The following GABBR1 variants were observed in gnomAD, a reference collection of about 807,000 sequenced individuals.
GABBR1 encodes gamma-aminobutyric acid type B receptor subunit 1, also known as GABA-B receptor, R1 subunit.
In GABBR1, 35 loss-of-function variants were observed where a neutral mutation model predicts 117.7. The observed-to-expected ratio is 0.30, with a 90% CI of 0.23 to 0.39. The LOEUF (loss-of-function observed/expected upper bound fraction) is 0.39, where lower values mean the gene tolerates loss of function less well. GABBR1 is among the 10% of genes least tolerant of loss of function. The pLI, the probability that GABBR1 is intolerant of heterozygous loss-of-function variation, is 1.00. For missense variants in GABBR1, 709 were observed against 1,241.8 expected, an observed-to-expected ratio of 0.57 and a Z score of 6.45; for synonymous variants, 442 against 486.6, an observed-to-expected ratio of 0.91 and a Z score of 1.21.
intron 11 of GABBR1, among the ~76,000 whole-genome samples, chr6:29,619,333 T>A (rs1237624960): frequency 6.6e-6 from 1 of 152,230 alleles, no homozygotes; most frequent in Non-Finnish European, 1.5e-5. Context: ...TTGTTAAGAC[T>A]GCTCTATCCT....
rs192388103 is a variant in GABBR1, at chr6:29,613,814, A to G, written c.1324-329T>C. ...GGTAGAGCAGAGTAAAGGAGGAGAC[A>G]TGGATATTCCAATGAAGAGCTGTGA... On this transcript the variant is annotated intron_variant, in intron 11 of 22. Transcript: ENST00000377034. This position sits in a 1 kb window ranked among gnomAD's most constrained non-coding sequence, Gnocchi z 4.1. Among the ~76,000 whole-genome samples the G allele has an allele frequency of 2.0e-4, 31 of 152,080 alleles. No homozygotes were observed. The highest frequency in any genetic ancestry group is 4.1e-4 in the Non-Finnish European group (28 of 68,036).
In GABBR1 at chr6:29,603,488, C is replaced by CCCTTCCCCTCTCCCTTT; in HGVS notation, c.*38_*54dup. Reference sequence around the variant, plus strand: ...GACCCCCTGCTTCCTGAGTCCCCTGCCCTTCCCCTCTCCCTTTCCCTCCCC... The same window carrying CCCTTCCCCTCTCCCTTT: ...GACCCCCTGCTTCCTGAGTCCCCTGCCCTTCCCCTCTCCCTTTCCTTCCCCTCTCCCTTTCCCTCCCC... On this transcript the variant is annotated 3_prime_UTR_variant, in exon 23 of 23. Coordinates refer to ENST00000377034, the MANE Select transcript of GABBR1 (RefSeq NM_001470.4). The CCCTTCCCCTCTCCCTTT allele has an allele frequency of 1.4e-6, 2 of 1,470,724 alleles. No individual in the cohort carries two copies. The highest frequency in any genetic ancestry group is 9.3e-7 in the Non-Finnish European group (1 of 1,077,104). 91.1% of individuals were successfully genotyped at this position (1,470,724 alleles called of 1,614,324 possible). A position where few individuals can be genotyped will look rare whatever the true frequency, so the allele number is the denominator to read the frequency against.
intron 14 of GABBR1, among the ~76,000 whole-genome samples, chr6:29,610,004 T>A (rs1007518973): frequency 6.6e-6 from 1 of 150,908 alleles, no homozygotes; most frequent in Non-Finnish European, 1.5e-5. Flanking sequence ...GTTTTTTTTT[T>A]AAAGAATAAT....
At position 29,606,783 on chromosome 6, in the gene GABBR1, GA is replaced by G; in HGVS notation, c.2217+113del. The G allele has an allele frequency of 1.2e-6, 1 of 826,000 alleles. No homozygotes were observed. 51.2% of individuals were successfully genotyped at this position (826,000 alleles called of 1,614,324 possible). A position where few individuals can be genotyped will look rare whatever the true frequency, so the allele number is the denominator to read the frequency against. ...GGAAAGGAAGAGCTTCCAATACGAG[GA>G]AGGCACTCTCTCCAAGTAGCTTCAT... is the stretch of plus-strand genomic sequence containing the variant. On this transcript the variant is annotated intron_variant, in intron 18 of 22. Coordinates refer to ENST00000377034, the MANE Select transcript of GABBR1 (RefSeq NM_001470.4). This position sits in a 1 kb window ranked among gnomAD's most constrained non-coding sequence, Gnocchi z 4.5.
Position 29,607,257 on chromosome 6 carries a change from G to C in GABBR1, c.1993-39C>G, listed in dbSNP as rs1343042190. On this transcript the variant is annotated intron_variant, in intron 16 of 22. Coordinates refer to ENST00000377034, the MANE Select transcript of GABBR1 (RefSeq NM_001470.4). The surrounding 1 kb of genome is among the most constrained non-coding windows in gnomAD (Gnocchi z 5.0). ...GAGGGCACAGGCAGAACAGGGTAGA[G>C]TAGTAGCCGGGACTGCAGTAAGGAT... 1 of 1,527,678 alleles carries C rather than the reference G, an allele frequency of 6.5e-7. No homozygotes were observed. The highest frequency in any genetic ancestry group is 1.7e-5 in the Admixed American group (1 of 59,918). 94.6% of individuals were successfully genotyped at this position (1,527,678 alleles called of 1,614,324 possible). A position where few individuals can be genotyped will look rare whatever the true frequency, so the allele number is the denominator to read the frequency against.
In GABBR1 at chr6:29,632,605, C is replaced by A. The variant is rs1304634348; in HGVS notation, c.1-220G>T. ...CCCACCCTCCTCCTGCCTCCCTCGGCCCCCAACCCTCCCGGGACTCCACCT... is the reference window on the plus strand; with the variant it reads ...CCCACCCTCCTCCTGCCTCCCTCGGACCCCAACCCTCCCGGGACTCCACCT... On this transcript the variant is annotated intron_variant, in intron 1 of 22. Coordinates refer to ENST00000377034, the MANE Select transcript of GABBR1 (RefSeq NM_001470.4). The surrounding 1 kb of genome is among the most constrained non-coding windows in gnomAD (Gnocchi z 5.8). 8.2e-7 allele frequency: 1 copy of A among 1,214,686 alleles called. No individual in the cohort carries two copies. Among genetic ancestry groups the A allele is most frequent in the Non-Finnish European group, 1.1e-6 (1 of 895,828 alleles). 75.2% of individuals were successfully genotyped at this position (1,214,686 alleles called of 1,614,324 possible). A position where few individuals can be genotyped will look rare whatever the true frequency, so the allele number is the denominator to read the frequency against.
intron 13 of GABBR1, among the ~76,000 whole-genome samples, chr6:29,612,059 T>G (rs1191349583): frequency 2.6e-5 from 4 of 152,168 alleles, no homozygotes; most frequent in Non-Finnish European, 5.9e-5. Context: ...TGGAGTGCAG[T>G]GGCGTGATCT....
chr6:29,632,775 C>A lies in GABBR1; in HGVS notation c.-1+75G>T, dbSNP rs62392941. 7 of 937,996 alleles carry A rather than the reference C, an allele frequency of 7.5e-6. No individual in the cohort carries two copies. Among genetic ancestry groups the A allele is most frequent in the Admixed American group, 3.9e-5 (1 of 25,722 alleles). 58.1% of individuals were successfully genotyped at this position (937,996 alleles called of 1,614,324 possible). A position where few individuals can be genotyped will look rare whatever the true frequency, so the allele number is the denominator to read the frequency against. On this transcript the variant is annotated intron_variant, in intron 1 of 22. Transcript: ENST00000377034. This position sits in a 1 kb window ranked among gnomAD's most constrained non-coding sequence, Gnocchi z 5.8. ...CCCCGCTTCCCCCAGCTGGGCCCTG[C>A]GCCCACTGCCCCCTCCCCCACCACG... is the stretch of plus-strand genomic sequence containing the variant.
chr6:29,607,315 C>G lies in GABBR1; in HGVS notation c.1993-97G>C, dbSNP rs1446878893. 2.1e-6 allele frequency: 2 copies of G among 959,520 alleles called. No individual in the cohort carries two copies. The highest frequency in any genetic ancestry group is 4.8e-5 in the East Asian group (2 of 41,402). 59.4% of individuals were successfully genotyped at this position (959,520 alleles called of 1,614,324 possible). A position where few individuals can be genotyped will look rare whatever the true frequency, so the allele number is the denominator to read the frequency against. On this transcript the variant is annotated intron_variant, in intron 16 of 22. Transcript: ENST00000377034. This position sits in a 1 kb window ranked among gnomAD's most constrained non-coding sequence, Gnocchi z 5.0. ...ACCCTAAGGGAGAGTGGGCAGGGAG[C>G]ACGGGCAGGGAGCTCATGGTGGCAC...
Position 29,607,140 on chromosome 6 carries a change from C to T in GABBR1, c.2071G>A (p.Val691Ile). The change falls in exon 17 of 23, where the codon GTC becomes ATC. Residue 691 changes from valine (V) to isoleucine (I), a missense_variant. Transcript: ENST00000377034. This position sits in a 1 kb window ranked among gnomAD's most constrained non-coding sequence, Gnocchi z 5.0. ...TTCTTTTCTTCCTTCTTTGTGAAGACCGTGTGGACCCACCAAATCTTGGTG... is the reference window on the plus strand; with the variant it reads ...TTCTTTTCTTCCTTCTTTGTGAAGATCGTGTGGACCCACCAAATCTTGGTG... ...MFTKIWWVHT[V>I]FTKKEEKKEW... The T allele has an allele frequency of 6.2e-7, 1 of 1,614,138 alleles. No homozygotes were observed. Among genetic ancestry groups the T allele is most frequent in the Non-Finnish European group, 8.5e-7 (1 of 1,180,030 alleles).
At position 29,621,417 on chromosome 6, in the gene GABBR1, A is replaced by G; in HGVS notation, c.1132-125T>C. On this transcript the variant is annotated intron_variant, in intron 10 of 22. Coordinates refer to ENST00000377034, the MANE Select transcript of GABBR1 (RefSeq NM_001470.4). This position sits in a 1 kb window ranked among gnomAD's most constrained non-coding sequence, Gnocchi z 5.0. The stretch of plus-strand genomic sequence containing the variant: ...GCAGTAGAACTAAAAAGAGAAATCT[A>G]CAAGTCTTGGGGATAGTAGGAAAGG... 1 of 775,756 alleles carries G rather than the reference A, an allele frequency of 1.3e-6. No homozygotes were observed. Among genetic ancestry groups the G allele is most frequent in the Non-Finnish European group, 2.1e-6 (1 of 487,004 alleles). The allele number at this position is 775,756 out of a possible 1,614,324, so 48.1% of individuals were successfully genotyped here.
At position 29,622,215 on chromosome 6, in the gene GABBR1, G is replaced by C. The variant is rs957783076; in HGVS notation, c.964-10C>G. The C allele has an allele frequency of 2.5e-6, 4 of 1,603,072 alleles. No homozygotes were observed. The African/African-American group carries it at 5.4e-5, about 21-fold the overall frequency. ...CCAGGTCGTCCAGAGTCTTGGGTGGGAATAAAAAACAAGTTGGAAAAACAC... is the reference window on the plus strand; with the variant it reads ...CCAGGTCGTCCAGAGTCTTGGGTGGCAATAAAAAACAAGTTGGAAAAACAC... On this transcript the variant is annotated splice_polypyrimidine_tract_variant and intron_variant, in intron 8 of 22. Coordinates refer to ENST00000377034, the MANE Select transcript of GABBR1 (RefSeq NM_001470.4). The surrounding 1 kb of genome is among the most constrained non-coding windows in gnomAD (Gnocchi z 4.6).
In GABBR1 at chr6:29,617,316, T is replaced by TC. The variant is rs1216045977; in HGVS notation, c.1323+3784_1323+3785insG. Among the ~76,000 whole-genome samples the TC allele has an allele frequency of 5.3e-3, 777 of 145,816 alleles. 8 individuals carry two copies. The highest frequency in any genetic ancestry group is 0.018 in the African/African-American group (719 of 40,208). On this transcript the variant is annotated intron_variant, in intron 11 of 22. Transcript: ENST00000377034. ...TTCTTTCTTTCTTTTTTTTTTTTTT[T>TC]TTTTGAGATGGAGTCTTGCTCTGTT...
At position 29,632,453 on chromosome 6, in the gene GABBR1, C is replaced by A. The variant is rs148426122; in HGVS notation, c.1-68G>T. 5.0e-3 allele frequency: 6,193 copies of A among 1,230,598 alleles called. 51 individuals are homozygous for A. Among genetic ancestry groups the A allele is most frequent in the Middle Eastern group, 0.027 (96 of 3,532 alleles). 76.2% of individuals were successfully genotyped at this position (1,230,598 alleles called of 1,614,324 possible). ...GCGCGGCCCGCACCCGGAGACTACT[C>A]GACCTCTTGCCGGTTGCCTCGCAGG... On this transcript the variant is annotated intron_variant, in intron 1 of 22. Transcript: ENST00000377034. This position sits in a 1 kb window ranked among gnomAD's most constrained non-coding sequence, Gnocchi z 5.8.
In GABBR1 at chr6:29,605,238, G is replaced by A. The variant is rs370991129; in HGVS notation, c.2440-250C>T. ...CCCAGGATCTCTATGCACAGATTCC[G>A]GGTCCTCCAGAGTCGGTCCCTGGCA... is the stretch of plus-strand genomic sequence containing the variant. On this transcript the variant is annotated intron_variant, in intron 20 of 22. Transcript: ENST00000377034. This position sits in a 1 kb window ranked among gnomAD's most constrained non-coding sequence, Gnocchi z 4.2. 4.4e-5 allele frequency: 25 copies of A among 561,954 alleles called. No individual in the cohort carries two copies. Among genetic ancestry groups the A allele is most frequent in the East Asian group, 2.9e-4 (10 of 33,904 alleles). 34.8% of individuals were successfully genotyped at this position (561,954 alleles called of 1,614,324 possible). A position where few individuals can be genotyped will look rare whatever the true frequency, so the allele number is the denominator to read the frequency against.
intron 4 of GABBR1, among the ~76,000 whole-genome samples, chr6:29,629,547 G>A (rs1239272066): frequency 6.6e-6 from 1 of 152,132 alleles, no homozygotes; most frequent in Non-Finnish European, 1.5e-5. Flanking sequence ...CAGGAAGAGG[G>A]CCCTGTAGGT....
In GABBR1 at chr6:29,632,255, G is replaced by GACCAGATGCAGGACCA; in HGVS notation, c.85+45_85+46insTGGTCCTGCATCTGGT. 8.9e-7 allele frequency: 1 copy of GACCAGATGCAGGACCA among 1,117,814 alleles called. No individual in the cohort carries two copies. Among genetic ancestry groups the GACCAGATGCAGGACCA allele is most frequent in the Admixed American group, 3.5e-5 (1 of 28,310 alleles). 69.2% of individuals were successfully genotyped at this position (1,117,814 alleles called of 1,614,324 possible). A position where few individuals can be genotyped will look rare whatever the true frequency, so the allele number is the denominator to read the frequency against. On this transcript the variant is annotated intron_variant, in intron 2 of 22. Coordinates refer to ENST00000377034, the MANE Select transcript of GABBR1 (RefSeq NM_001470.4). The surrounding 1 kb of genome is among the most constrained non-coding windows in gnomAD (Gnocchi z 5.8). ...CAGAAATGAGGAGATGCAGGGAAAGGGAAGTGGAGCGAAGGAGGGCCGGAG... is the reference window on the plus strand; with the variant it reads ...CAGAAATGAGGAGATGCAGGGAAAGGACCAGATGCAGGACCAGAAGTGGAGCGAAGGAGGGCCGGAG...
rs373993426 is a variant in GABBR1, at chr6:29,617,301, CTT to C, written c.1323+3798_1323+3799del. ...CCATATTTCTTTTCTTTCTTTCTTT[CTT>C]TTTTTTTTTTTTTTTTTGAGATGGA... On this transcript the variant is annotated intron_variant, in intron 11 of 22. Transcript: ENST00000377034. 8.1e-3 allele frequency among the ~76,000 whole-genome samples: 974 copies of C among 119,830 alleles called. 7 individuals carry two copies. The highest frequency in any genetic ancestry group is 0.029 in the Middle Eastern group (6 of 210). The allele number at this position is 119,830 out of a possible 152,430, so 78.6% of individuals were successfully genotyped here.
Position 29,631,401 on chromosome 6 carries a change from C to T in GABBR1, c.284G>A (p.Arg95His). 1.2e-6 allele frequency: 2 copies of T among 1,613,926 alleles called. No individual in the cohort carries two copies. The highest frequency in any genetic ancestry group is 1.7e-6 in the Non-Finnish European group (2 of 1,179,984). ...GSWTDMDTPSRCVRICSKSYL... is the reference protein window; with the variant it reads ...GSWTDMDTPSHCVRICSKSYL... ...GGGCTTCCGAGGCTACTCACCACAG[C>T]GGCTGGGTGTGTCCATATCTGTCCA... The change falls in exon 3 of 23, where the codon CGC becomes CAC. Residue 95 changes from arginine to histidine, a missense_variant. Physicochemically the swap from Arg to His is conservative, Grantham distance 29. Around this residue, in one of 9 missense-constraint regions of GABBR1, gnomAD observed 101 missense variants for 132.3 expected, o/e 0.76. Coordinates refer to ENST00000377034, the MANE Select transcript of GABBR1 (RefSeq NM_001470.4). This position sits in a 1 kb window ranked among gnomAD's most constrained non-coding sequence, Gnocchi z 5.9.
Sources: allele counts gnomAD v4.1 joint callset (sites outside exome capture counted in the v4.1 genomes callset), GRCh38; gene constraint gnomAD v4.1.1; regional missense constraint gnomAD v4.1.1; non-coding constraint Gnocchi (gnomAD v3.1); transcripts MANE v1.5; gene names NCBI Gene and HGNC (gene_info 2026-07-23, HGNC 2026-07-21).